ROCK1: variants seen among roughly 807,000 people sequenced by gnomAD.
The protein encoded by ROCK1 is rho-associated protein kinase 1.
In ROCK1, 36 loss-of-function variants were observed where a neutral mutation model predicts 196.8. The observed-to-expected ratio is 0.18, with a 90% confidence interval of 0.14 to 0.24. The LOEUF (loss-of-function observed/expected upper bound fraction) is 0.24. Ranked by LOEUF, ROCK1 falls within the 10% of genes least tolerant of loss-of-function variation. The pLI is 1.00. For synonymous variants in ROCK1, 443 were observed against 515.9 expected, an observed-to-expected ratio of 0.86 and a Z score of 1.91; for missense variants, 920 against 1,562.0, an observed-to-expected ratio of 0.59 and a Z score of 6.93.
chr18:21,111,405 G>C lies in ROCK1; in HGVS notation c.-495C>G. 1 of 380,664 alleles carries C rather than the reference G, an allele frequency of 2.6e-6. No homozygotes were observed. Among genetic ancestry groups the C allele is most frequent in the Non-Finnish European group, 4.7e-6 (1 of 213,754 alleles). The allele number at this position is 380,664 out of a possible 1,614,324, so 23.6% of individuals were successfully genotyped here. ...GCCGCTCGGGCCACGGGCCGGGCCCGCTCCGCTCAGAGGCGCTGTAGACGG... is the reference window on the plus strand; with the variant it reads ...GCCGCTCGGGCCACGGGCCGGGCCCCCTCCGCTCAGAGGCGCTGTAGACGG... On this transcript the variant is annotated 5_prime_UTR_variant, in exon 1 of 33. Coordinates refer to ENST00000399799, the MANE Select transcript of ROCK1 (RefSeq NM_005406.3). The surrounding 1 kb of genome is among the most constrained non-coding windows in gnomAD (Gnocchi z 4.2).
chr18:21,086,022 CA>C (rs1259063889), intron 1 of ROCK1, among the ~76,000 whole-genome samples: 1 of 151,930 alleles, frequency 6.6e-6, no homozygotes, highest in African/African-American at 2.4e-5. Context: ...TGTCATTTCT[CA>C]AACGATTCTT....
chr18:20,973,001 TC>T (rs1157658557), intron 22 of ROCK1, among the ~76,000 whole-genome samples: 2 of 152,122 alleles, frequency 1.3e-5, no homozygotes, highest in African/African-American at 4.8e-5. Context: ...TGCCTCAGCC[TC>T]CCGAGTAGTT....
chr18:21,030,802 T>C (rs1297736177), intron 9 of ROCK1, among the ~76,000 whole-genome samples: 3 of 152,034 alleles, frequency 2.0e-5, no homozygotes, highest in Non-Finnish European at 4.4e-5. Flanking sequence ...TCATGTTCCA[T>C]AAAAAAGAGT....
intron 9 of ROCK1, among the ~76,000 whole-genome samples, chr18:21,031,908 T>C (rs545352058): frequency 6.6e-6 from 1 of 152,070 alleles, no homozygotes; most frequent in African/African-American, 2.4e-5. Context: ...AACTTGAAGA[T>C]AGGACAAATG....
At position 21,063,879 on chromosome 18, in the gene ROCK1, A is replaced by G. The variant is rs115185311; in HGVS notation, c.175+6653T>C. On this transcript the variant is annotated intron_variant, in intron 2 of 32. Transcript: ENST00000399799. ...GTCTTTTCTTTGGTTTATTATAACC[A>G]GACCATTTACCTATCTTTAGTTTTT... Among the ~76,000 whole-genome samples, 1,440 of 152,316 alleles carry G rather than the reference A, an allele frequency of 9.5e-3. 17 individuals carry two copies. Among genetic ancestry groups the G allele is most frequent in the African/African-American group, 0.032 (1,315 of 41,568 alleles).
At chr18:20,952,688 T>C (rs2035201634) in intron 32 of ROCK1, among the ~76,000 whole-genome samples, 1 of 150,992 alleles carries the variant, frequency 6.6e-6, no homozygotes, top group Admixed American at 6.6e-5. Flanking sequence ...GGCTGGAGAA[T>C]TGCTTGAACT....
intron 22 of ROCK1, among the ~76,000 whole-genome samples, chr18:20,970,805 T>C (rs1429573323): frequency 6.6e-6 from 1 of 152,162 alleles, no homozygotes; most frequent in Non-Finnish European, 1.5e-5. Flanking sequence ...CTTGCAGATT[T>C]GGAATGGAAG....
At chr18:21,067,732 T>G (rs1022338291) in intron 2 of ROCK1, among the ~76,000 whole-genome samples, 5 of 152,194 alleles carry the variant, frequency 3.3e-5, no homozygotes, top group Admixed American at 3.3e-4. Flanking sequence ...AGTTTTTTAT[T>G]TTGATGATGT....
chr18:21,054,037 G>A (rs2143524620), intron 2 of ROCK1, among the ~76,000 whole-genome samples: 1 of 152,322 alleles, frequency 6.6e-6, no homozygotes, highest in African/African-American at 2.4e-5. Flanking sequence ...TATGGTCGCT[G>A]TTGTAGCTAC....
chr18:21,042,778 A>C, intron 6 of ROCK1, 69 bp from the exon 7 acceptor site: 6 of 1,439,232 alleles, frequency 4.2e-6, no homozygotes, highest in Non-Finnish European at 5.7e-6. Context: ...TGACTTTCTT[A>C]TTAATATTAC....
At chr18:20,999,919 G>A (rs1184403161) in intron 16 of ROCK1, among the ~76,000 whole-genome samples, 1 of 152,108 alleles carries the variant, frequency 6.6e-6, no homozygotes, top group East Asian at 1.9e-4. Flanking sequence ...AGCCACTGGC[G>A]CCTGGCTGGA....
At chr18:21,045,900 T>TTTC (rs780903445) in intron 4 of ROCK1, among the ~76,000 whole-genome samples, 2,614 of 36,046 alleles carry the variant, frequency 0.073, 500 homozygotes, top group African/African-American at 0.27. Context: ...GTTTCAGCTG[T>TTTC]TTTTTTTTTT....
At chr18:21,092,523 G>A (rs182272311) in intron 1 of ROCK1, among the ~76,000 whole-genome samples, 1 of 145,922 alleles carries the variant, frequency 6.9e-6, no homozygotes, top group African/African-American at 2.6e-5. Flanking sequence ...GGTCAAGGCT[G>A]CAGTGAGCCA....
intron 1 of ROCK1, among the ~76,000 whole-genome samples, chr18:21,092,604 A>AAAAAAAAAAAC (rs2036580796): frequency 6.6e-6 from 1 of 150,468 alleles, no homozygotes; most frequent in African/African-American, 2.5e-5. Context: ...AAAAAAAAAA[A>AAAAAAAAAAAC]CCAACACAAC....
chr18:20,999,713 G>A (rs1468511721), intron 16 of ROCK1, among the ~76,000 whole-genome samples: 4 of 152,094 alleles, frequency 2.6e-5, no homozygotes, highest in South Asian at 2.1e-4. Context: ...TATTAGTTTT[G>A]GTTTTTTTTG....
In ROCK1 at chr18:20,991,337, G is replaced by C. The variant is rs1281651267; in HGVS notation, c.1993-11C>G. The stretch of plus-strand genomic sequence containing the variant: ...TAAATTATTCTTTTCCTGTAAAATG[G>C]GAGTAGGAGTCATGTAATAAACTGT... On this transcript the variant is annotated splice_polypyrimidine_tract_variant and intron_variant, in intron 17 of 32. Transcript: ENST00000399799. 6.4e-7 allele frequency: 1 copy of C among 1,564,002 alleles called. No homozygotes were observed. The highest frequency in any genetic ancestry group is 1.8e-5 in the Admixed American group (1 of 56,040).
At chr18:21,082,586 C>A (rs1445406425) in intron 1 of ROCK1, among the ~76,000 whole-genome samples, 2 of 152,122 alleles carry the variant, frequency 1.3e-5, no homozygotes, top group Admixed American at 6.5e-5. Flanking sequence ...AAAACCACAT[C>A]ACCTCATTAG....
At chr18:21,042,981 T>TAC (rs1380996663) in intron 6 of ROCK1, among the ~76,000 whole-genome samples, 3 of 152,120 alleles carry the variant, frequency 2.0e-5, no homozygotes, top group Non-Finnish European at 4.4e-5. Context: ...TTCACATATA[T>TAC]ACACACACCA....
intron 1 of ROCK1, among the ~76,000 whole-genome samples, chr18:21,081,450 T>A (rs750500227): frequency 1.3e-5 from 2 of 151,844 alleles, no homozygotes; most frequent in Non-Finnish European, 1.5e-5. Context: ...CCTAACTTAA[T>A]ACTATAAGGA....
Sources: allele counts gnomAD v4.1 joint callset (sites outside exome capture counted in the v4.1 genomes callset), GRCh38; gene constraint gnomAD v4.1.1; non-coding constraint Gnocchi (gnomAD v3.1); transcripts MANE v1.5; gene names NCBI Gene and HGNC (gene_info 2026-07-23, HGNC 2026-07-21).